The following CGNL1 variants were observed in gnomAD, a reference collection of about 807,000 sequenced individuals.
The protein encoded by CGNL1 is cingulin-like protein 1.
CGNL1 carries 132 observed loss-of-function variants against 141.2 expected under a neutral mutation model. The observed-to-expected ratio is 0.93, with a 90% CI of 0.81 to 1.08. The LOEUF is 1.08. Among genes scored for constraint, CGNL1 ranks in the 50% least tolerant of loss-of-function variants. The pLI is 0.00. For missense variants in CGNL1, 1,870 were observed against 1,588.6 expected (o/e 1.18, Z -3.01); for synonymous variants, 690 against 622.1 (o/e 1.11, Z -1.63).
chr15:57,383,546 C>T (rs2062448359), intron 1 of CGNL1, among the ~76,000 whole-genome samples: 1 of 152,028 alleles, frequency 6.6e-6, no homozygotes, highest in East Asian at 1.9e-4. Context: ...GATCCGCCTG[C>T]CTCAGCCTCC....
At position 57,442,494 on chromosome 15, in the gene CGNL1, G is replaced by A; in HGVS notation, c.1803+16G>A. On this transcript the variant is annotated intron_variant, in intron 4 of 18. Coordinates refer to ENST00000281282, the MANE Select transcript of CGNL1 (RefSeq NM_032866.5). Reference sequence around the variant, plus strand: ...AAATAACCAAGTAAATGGAAGTTTTGTATTTTGTAGAGTGCATTTAGCATG... The same window carrying A: ...AAATAACCAAGTAAATGGAAGTTTTATATTTTGTAGAGTGCATTTAGCATG... 6.7e-7 allele frequency: 1 copy of A among 1,486,492 alleles called. No homozygotes were observed. The highest frequency in any genetic ancestry group is 9.4e-7 in the Non-Finnish European group (1 of 1,064,690). 92.1% of individuals were successfully genotyped at this position (1,486,492 alleles called of 1,614,324 possible).
At position 57,458,410 on chromosome 15, in the gene CGNL1, G is replaced by A. The variant is rs141644285; in HGVS notation, c.2191-3270G>A. On this transcript the variant is annotated intron_variant, in intron 7 of 18. Transcript: ENST00000281282. ...GTGCTACTAAGTGATATGGCGAGGTGTAATCTGATTGGATTTGTGCTGCAC... is the reference window on the plus strand; with the variant it reads ...GTGCTACTAAGTGATATGGCGAGGTATAATCTGATTGGATTTGTGCTGCAC... Among the ~76,000 whole-genome samples, 20 of 152,318 alleles carry A rather than the reference G, an allele frequency of 1.3e-4. No individual in the cohort carries two copies. In the East Asian group the frequency reaches 3.5e-3, roughly 26 times the overall value.
At position 57,438,178 on chromosome 15, in the gene CGNL1, C is replaced by T. The variant is rs1567115932; in HGVS notation, c.179C>T (p.Thr60Ile). Reference protein sequence around the residue: ...DGHPYIVLNNTERCLAGTSFS... With the variant: ...DGHPYIVLNNIERCLAGTSFS... ...CACCCCTATATTGTCCTGAATAACACAGAACGGTGCCTAGCAGGCACATCG... is the reference window on the plus strand; with the variant it reads ...CACCCCTATATTGTCCTGAATAACATAGAACGGTGCCTAGCAGGCACATCG... The change falls in exon 2 of 19, where the codon ACA becomes ATA. Residue 60 changes from threonine (T) to isoleucine (I), a missense_variant. Coordinates refer to ENST00000281282, the MANE Select transcript of CGNL1 (RefSeq NM_032866.5). 1 of 1,614,192 alleles carries T rather than the reference C, an allele frequency of 6.2e-7. No individual in the cohort carries two copies. The highest frequency in any genetic ancestry group is 1.7e-5 in the Admixed American group (1 of 60,022).
intron 6 of CGNL1, 53 bp from the exon 7 acceptor site, chr15:57,453,630 G>T: frequency 6.2e-7 from 1 of 1,604,880 alleles, no homozygotes. Context: ...CAGACTGGAT[G>T]GAAATAAGCA....
At chr15:57,413,865 G>T (rs1247649847) in intron 1 of CGNL1, among the ~76,000 whole-genome samples, 1 of 152,154 alleles carries the variant, frequency 6.6e-6, no homozygotes, top group East Asian at 1.9e-4. Flanking sequence ...CCCAGTGTCG[G>T]CATCAGTTTT....
chr15:57,482,112 G>T (rs2063733683), intron 8 of CGNL1, among the ~76,000 whole-genome samples: 1 of 145,808 alleles, frequency 6.9e-6, no homozygotes, highest in African/African-American at 2.5e-5. Context: ...ATTGTTTGGG[G>T]TTTGTTTTTT....
intron 1 of CGNL1, among the ~76,000 whole-genome samples, chr15:57,415,214 A>T (rs1170722468): frequency 1.3e-5 from 2 of 152,244 alleles, no homozygotes; most frequent in African/African-American, 4.8e-5. Flanking sequence ...CTCTCCAAAG[A>T]TGCCCAATTC....
chr15:57,488,919 C>T (rs2063821263), intron 8 of CGNL1, among the ~76,000 whole-genome samples: 1 of 152,074 alleles, frequency 6.6e-6, no homozygotes. Flanking sequence ...GCTGCTTTAC[C>T]CAAAGGAGGC....
intron 1 of CGNL1, among the ~76,000 whole-genome samples, chr15:57,386,677 C>T (rs1296189001): frequency 6.6e-6 from 1 of 152,120 alleles, no homozygotes; most frequent in Admixed American, 6.5e-5. Context: ...AGTTTCCTCA[C>T]CTGTAAAATG....
intron 1 of CGNL1, among the ~76,000 whole-genome samples, chr15:57,428,557 C>T (rs1235659712): frequency 6.6e-6 from 1 of 152,086 alleles, no homozygotes; most frequent in Non-Finnish European, 1.5e-5. Flanking sequence ...CCAGAGAAGC[C>T]GTGGCTGGAG....
At chr15:57,466,965 A>G (rs1279467839) in intron 8 of CGNL1, among the ~76,000 whole-genome samples, 1 of 152,178 alleles carries the variant, frequency 6.6e-6, no homozygotes, top group African/African-American at 2.4e-5. Flanking sequence ...TACAGCAGTT[A>G]TGCAACAAAT....
chr15:57,544,370 C>T (rs1243294422), intron 15 of CGNL1, 103 bp from the exon 16 acceptor site: 14 of 1,407,920 alleles, frequency 9.9e-6, no homozygotes, highest in African/African-American at 2.8e-5. Flanking sequence ...GCAGCCTCAT[C>T]GCATGCAGCG....
intron 8 of CGNL1, among the ~76,000 whole-genome samples, chr15:57,506,680 C>G (rs2064107898): frequency 6.6e-6 from 1 of 152,144 alleles, no homozygotes; most frequent in Admixed American, 6.5e-5. Context: ...GCAGAGGTCA[C>G]AAGCAAGGAG....
intron 1 of CGNL1, among the ~76,000 whole-genome samples, chr15:57,412,635 C>G (rs138810926): frequency 3.3e-5 from 5 of 152,162 alleles, no homozygotes; most frequent in Non-Finnish European, 7.3e-5. Flanking sequence ...TTTATCTTGA[C>G]GCATCTCTGT....
chr15:57,469,276 G>A (rs898269160), intron 8 of CGNL1, among the ~76,000 whole-genome samples: 1 of 151,758 alleles, frequency 6.6e-6, no homozygotes, highest in African/African-American at 2.4e-5. Context: ...GAAGGGGGCT[G>A]TACTGGGAAT....
intron 2 of CGNL1, among the ~76,000 whole-genome samples, chr15:57,439,933 A>C (rs1311487702): frequency 2.0e-5 from 3 of 152,160 alleles, no homozygotes; most frequent in Non-Finnish European, 4.4e-5. Context: ...ACAGAGGCTG[A>C]ATAGTTAGGT....
rs539419321 is a variant in CGNL1 at position 57,432,909 on chromosome 15, C to G, written c.-15-5076C>G. On this transcript the variant is annotated intron_variant, in intron 1 of 18. Transcript: ENST00000281282. Reference sequence around the variant, plus strand: ...CTAAGATTGTAATAAGCCAAGGTGGCTTTATTCAAAGATTGAAATGTAATT... The same window carrying G: ...CTAAGATTGTAATAAGCCAAGGTGGGTTTATTCAAAGATTGAAATGTAATT... Among the ~76,000 whole-genome samples the G allele has an allele frequency of 3.3e-5, 5 of 152,112 alleles. No individual in the cohort carries two copies. In the South Asian group the frequency reaches 1.0e-3, roughly 32 times the overall value.
At chr15:57,490,430 G>A (rs1207759133) in intron 8 of CGNL1, among the ~76,000 whole-genome samples, 2 of 151,974 alleles carry the variant, frequency 1.3e-5, no homozygotes, top group African/African-American at 4.8e-5. Flanking sequence ...GCGTGCGTGT[G>A]CACTCACATT....
intron 8 of CGNL1, among the ~76,000 whole-genome samples, chr15:57,491,446 C>G (rs1485597339): frequency 6.6e-6 from 1 of 152,230 alleles, no homozygotes; most frequent in Non-Finnish European, 1.5e-5. Flanking sequence ...TTAACTTCCT[C>G]TCTTGTCTGC....
Sources: gnomAD v4.1 joint callset for allele counts (sites outside exome capture counted in the v4.1 genomes callset) on GRCh38, gnomAD v4.1.1 for gene constraint, MANE v1.5 for transcripts, NCBI Gene and HGNC (gene_info 2026-07-23, HGNC 2026-07-21) for gene names.